Variants in MYO10 observed in about 807,000 individuals in gnomAD.
MYO10 encodes the protein myosin X.
A neutral mutation model predicts 257.3 loss-of-function variants in MYO10; 133 were observed. The ratio of observed to expected loss-of-function variants is 0.52; its 90% CI spans 0.45 to 0.60. The LOEUF is 0.60. Among genes scored for constraint, MYO10 ranks in the 20% least tolerant of loss-of-function variants. MYO10 has a pLI of 0.00. For missense variants in MYO10, 2,399 were observed against 2,635.7 expected (o/e 0.91, Z 1.97); for synonymous variants, 1,104 against 1,028.6 (o/e 1.07, Z -1.40).
chr5:16,834,188 G>T (rs1275208250), intron 2 of MYO10, among the ~76,000 whole-genome samples: 1 of 152,038 alleles, frequency 6.6e-6, no homozygotes, highest in Admixed American at 6.6e-5. Context: ...TCTAGTCTGA[G>T]CGGGCTGGCC....
intron 2 of MYO10, among the ~76,000 whole-genome samples, chr5:16,873,543 G>T (rs368686176): frequency 3.1e-4 from 47 of 152,356 alleles, no homozygotes; most frequent in African/African-American, 1.1e-3. Flanking sequence ...TAGCGACTCT[G>T]TGTGGGGGTT....
chr5:16,826,169 T>TA (rs201362887), intron 2 of MYO10, among the ~76,000 whole-genome samples: 5,016 of 139,822 alleles, frequency 0.036, 209 homozygotes, highest in African/African-American at 0.11. Flanking sequence ...AACATAGTAA[T>TA]AAAAAAAAAA....
Position 16,680,054 on chromosome 5 carries a change from T to G in MYO10, c.4435A>C (p.Thr1479Pro). 1.2e-6 allele frequency: 2 copies of G among 1,613,852 alleles called. No homozygotes were observed. The highest frequency in any genetic ancestry group is 1.7e-6 in the Non-Finnish European group (2 of 1,179,794). The change falls in exon 33 of 41, where the codon ACC becomes CCC. Residue 1479 changes from threonine (T) to proline (P), a missense_variant. By Grantham distance (38) the Thr-to-Pro change is conservative. This residue lies in a region of MYO10 where 1,820 missense variants were observed against 1,939.4 expected (regional missense o/e 0.94). Transcript: ENST00000513610. The stretch of plus-strand genomic sequence containing the variant: ...CGGGTGGCCTCGTTGAGCAGCTTGG[T>G]GTAGAGCCGGTAACAGTGCTTGCGC... ...YGRKHCYRLY[T>P]KLLNEATRWS... is the part of the protein sequence containing the mutation.
chr5:16,672,856 C>A (rs1736534788), intron 36 of MYO10, 31 bp from the exon 37 acceptor site: 1 of 1,605,624 alleles, frequency 6.2e-7, no homozygotes, highest in Admixed American at 1.7e-5. Context: ...ACTTCAGTTC[C>A]ACAGGCTGCG....
intron 3 of MYO10, among the ~76,000 whole-genome samples, chr5:16,811,530 T>C (rs1218186618): frequency 6.6e-6 from 1 of 152,162 alleles, no homozygotes; most frequent in East Asian, 1.9e-4. Flanking sequence ...TTCACTGGCC[T>C]TTCCTTCTCA....
At chr5:16,747,737 A>C (rs1740238778) in intron 19 of MYO10, among the ~76,000 whole-genome samples, 1 of 151,982 alleles carries the variant, frequency 6.6e-6, no homozygotes, top group South Asian at 2.1e-4. Context: ...GCTAACACAG[A>C]GAAACCCCCG....
At chr5:16,891,290 G>A (rs374500029) in intron 1 of MYO10, among the ~76,000 whole-genome samples, 8 of 146,730 alleles carry the variant, frequency 5.5e-5, no homozygotes, top group South Asian at 2.2e-4. Context: ...GTGAGACTCC[G>A]TCTTGAAAGA....
chr5:16,767,226 A>G (rs1380051187), intron 10 of MYO10, among the ~76,000 whole-genome samples: 3 of 133,562 alleles, frequency 2.2e-5, no homozygotes, highest in South Asian at 2.5e-4. Flanking sequence ...GCTGGAGTGC[A>G]GTGGCATGAT....
chr5:16,850,479 T>C (rs1303578029), intron 2 of MYO10, among the ~76,000 whole-genome samples: 1 of 152,042 alleles, frequency 6.6e-6, no homozygotes, highest in African/African-American at 2.4e-5. Flanking sequence ...GGTTTCACCA[T>C]GTTGGCCAGG....
At chr5:16,790,450 C>T (rs536647056) in intron 4 of MYO10, among the ~76,000 whole-genome samples, 2 of 152,224 alleles carry the variant, frequency 1.3e-5, no homozygotes, top group South Asian at 4.2e-4. Context: ...TCCCATGGTT[C>T]CCGCCATGTT....
rs1293540688 is a variant in MYO10, at chr5:16,700,380, A to T, written c.3432+583T>A. On this transcript the variant is annotated intron_variant, in intron 25 of 40. Transcript: ENST00000513610. The stretch of plus-strand genomic sequence containing the variant: ...AATAAAATAAACAAAAGTTCCATTT[A>T]AAAAGCCAGTTTTAAGCCGGGCATG... 2.0e-5 allele frequency among the ~76,000 whole-genome samples: 3 copies of T among 152,212 alleles called. No individual in the cohort carries two copies. In the East Asian group the frequency reaches 5.8e-4, roughly 29 times the overall value.
intron 19 of MYO10, among the ~76,000 whole-genome samples, chr5:16,717,952 G>C (rs1209322572): frequency 6.6e-6 from 1 of 152,322 alleles, no homozygotes; most frequent in East Asian, 1.9e-4. Context: ...AGGTGTGGAG[G>C]GAGAGGCACG....
chr5:16,857,652 C>T lies in MYO10; in HGVS notation c.120+19957G>A, dbSNP rs80301729. Among the ~76,000 whole-genome samples, 558 of 152,328 alleles carry T rather than the reference C, an allele frequency of 3.7e-3. 4 individuals carry two copies. The highest frequency in any genetic ancestry group is 0.013 in the African/African-American group (525 of 41,572). ...AGGAGGTCCTCATCAATTGAGCCTA[C>T]TCAATTTTGAGAGCCACTGCCCCAC... is the stretch of plus-strand genomic sequence containing the variant. On this transcript the variant is annotated intron_variant, in intron 2 of 40. Transcript: ENST00000513610.
chr5:16,711,974 T>C (rs897759983), intron 19 of MYO10, among the ~76,000 whole-genome samples: 3 of 152,082 alleles, frequency 2.0e-5, no homozygotes, highest in Non-Finnish European at 4.4e-5. Context: ...TTAAAATCTA[T>C]TTTTTCTGCA....
At chr5:16,741,802 A>G in intron 19 of MYO10, 1 of 985,204 alleles carries the variant, frequency 1.0e-6, no homozygotes, top group Non-Finnish European at 1.2e-6. Flanking sequence ...AAAAATCCCT[A>G]CCTTGGGTTT....
intron 2 of MYO10, among the ~76,000 whole-genome samples, chr5:16,866,960 T>G (rs1352422705): frequency 4.6e-5 from 7 of 152,294 alleles, no homozygotes. Flanking sequence ...CTGCCCGACC[T>G]GGAGAGCGGG....
chr5:16,706,310 T>C (rs3860138), intron 21 of MYO10, among the ~76,000 whole-genome samples: 20 of 151,752 alleles, frequency 1.3e-4, no homozygotes, highest in African/African-American at 1.5e-4. Flanking sequence ...AATATATATA[T>C]ACACACACAC....
At position 16,923,509 on chromosome 5, in the gene MYO10, G is replaced by C. The variant is rs183316527; in HGVS notation, c.21+12279C>G. 3.3e-5 allele frequency among the ~76,000 whole-genome samples: 5 copies of C among 151,410 alleles called. No homozygotes were observed. In the South Asian group the frequency reaches 1.0e-3, roughly 32 times the overall value. On this transcript the variant is annotated intron_variant, in intron 1 of 40. Transcript: ENST00000513610. ...TCACTGTGTTAGCCAGGATGGTCTC[G>C]ATCTCCTGACCTCGTGATCCACCCG...
chr5:16,850,481 T>C (rs537992873), intron 2 of MYO10, among the ~76,000 whole-genome samples: 5 of 152,208 alleles, frequency 3.3e-5, no homozygotes, highest in Non-Finnish European at 5.9e-5. Context: ...TTTCACCATG[T>C]TGGCCAGGCT....
Sources: allele counts gnomAD v4.1 joint callset (sites outside exome capture counted in the v4.1 genomes callset), GRCh38; gene constraint gnomAD v4.1.1; regional missense constraint gnomAD v4.1.1; transcripts MANE v1.5; gene names NCBI Gene and HGNC (gene_info 2026-07-23, HGNC 2026-07-21).